The following SNTB1 variants were observed in gnomAD, a reference collection of about 807,000 sequenced individuals.
SNTB1 encodes syntrophin beta 1.
In SNTB1, 36 loss-of-function variants were observed where a neutral mutation model predicts 48.9. The observed-to-expected ratio is 0.74, with a 90% CI of 0.56 to 0.97. The LOEUF is 0.97. SNTB1 is among the 50% of genes least tolerant of loss of function. The pLI is 0.00. For missense variants in SNTB1, 786 were observed against 703.4 expected (o/e 1.12, Z -1.33); for synonymous variants, 299 against 294.6 (o/e 1.01, Z -0.15).
chr8:120,666,007 A>G (rs1277953512), intron 2 of SNTB1, among the ~76,000 whole-genome samples: 1 of 152,030 alleles, frequency 6.6e-6, no homozygotes, highest in Non-Finnish European at 1.5e-5. Context: ...TTTGTCCTCT[A>G]GTATTGTCTT....
At chr8:120,572,125 TG>T (rs1815865395) in intron 4 of SNTB1, among the ~76,000 whole-genome samples, 1 of 152,168 alleles carries the variant, frequency 6.6e-6, no homozygotes, top group Non-Finnish European at 1.5e-5. Context: ...GCTCTGCTAC[TG>T]GGTCTCATTC....
chr8:120,590,768 C>T (rs1187063151), intron 3 of SNTB1, among the ~76,000 whole-genome samples: 1 of 151,176 alleles, frequency 6.6e-6, no homozygotes, highest in African/African-American at 2.4e-5. Flanking sequence ...GCAACCTCCA[C>T]CTCCTGGGTC....
chr8:120,580,259 G>T (rs1009018179), intron 3 of SNTB1, among the ~76,000 whole-genome samples: 1 of 152,032 alleles, frequency 6.6e-6, no homozygotes, highest in Non-Finnish European at 1.5e-5. Flanking sequence ...ACTTGAGCAC[G>T]CATGGCAGGA....
At chr8:120,706,204 G>T (rs1241504591) in intron 1 of SNTB1, among the ~76,000 whole-genome samples, 1 of 152,128 alleles carries the variant, frequency 6.6e-6, no homozygotes, top group Non-Finnish European at 1.5e-5. Context: ...TTGCAAGGAT[G>T]TCTCTTTTCG....
chr8:120,651,971 T>G (rs1250885350), intron 2 of SNTB1, among the ~76,000 whole-genome samples: 1 of 152,182 alleles, frequency 6.6e-6, no homozygotes, highest in Non-Finnish European at 1.5e-5. Context: ...AGAGATGAGT[T>G]CAATTAGGAG....
At chr8:120,726,712 A>G (rs1818761278) in intron 1 of SNTB1, among the ~76,000 whole-genome samples, 1 of 151,696 alleles carries the variant, frequency 6.6e-6, no homozygotes, top group South Asian at 2.1e-4. Context: ...ACAGAAAGCT[A>G]TTAGAGATCT....
chr8:120,664,683 T>C (rs981368253), intron 2 of SNTB1, among the ~76,000 whole-genome samples: 2 of 152,290 alleles, frequency 1.3e-5, no homozygotes, highest in African/African-American at 4.8e-5. Flanking sequence ...GATGGGAAAG[T>C]GGGTTGTTTC....
chr8:120,651,750 G>GA (rs34372993), intron 2 of SNTB1, among the ~76,000 whole-genome samples: 1 of 152,078 alleles, frequency 6.6e-6, no homozygotes, highest in African/African-American at 2.4e-5. Context: ...AAGGAAAACG[G>GA]AAAAAACTCA....
At chr8:120,591,694 C>T (rs1816242497) in intron 3 of SNTB1, among the ~76,000 whole-genome samples, 1 of 152,138 alleles carries the variant, frequency 6.6e-6, no homozygotes, top group South Asian at 2.1e-4. Context: ...ACTAACCTCA[C>T]CCCAACAAAT....
chr8:120,730,390 G>A (rs1818831643), intron 1 of SNTB1, among the ~76,000 whole-genome samples: 1 of 152,126 alleles, frequency 6.6e-6, no homozygotes, highest in African/African-American at 2.4e-5. Context: ...GTTTCGCCAT[G>A]TTGGCCAGGC....
At chr8:120,541,656 T>G (rs1815290812) in intron 6 of SNTB1, among the ~76,000 whole-genome samples, 154 bp downstream of exon 6, 2 of 152,240 alleles carry the variant, frequency 1.3e-5, no homozygotes, top group South Asian at 2.1e-4. Context: ...TTGAAATAAT[T>G]GAACCTAATC....
At chr8:120,800,285 G>T (rs1282127640) in intron 1 of SNTB1, among the ~76,000 whole-genome samples, 1 of 151,936 alleles carries the variant, frequency 6.6e-6, no homozygotes, top group East Asian at 1.9e-4. Flanking sequence ...TTTAATAAAA[G>T]GTTATTAAAA....
intron 1 of SNTB1, among the ~76,000 whole-genome samples, chr8:120,806,965 G>C (rs1289671189): frequency 6.6e-6 from 1 of 152,180 alleles, no homozygotes; most frequent in African/African-American, 2.4e-5. Flanking sequence ...GTGACAGCGA[G>C]GTTCCAGACC....
chr8:120,717,740 T>G (rs889802594), intron 1 of SNTB1, among the ~76,000 whole-genome samples: 10 of 152,164 alleles, frequency 6.6e-5, no homozygotes, highest in African/African-American at 2.4e-4. Flanking sequence ...AGATGTTCTA[T>G]TGTGTTGCTC....
Position 120,811,847 on chromosome 8 carries a change from T to C in SNTB1, c.-4A>G, listed in dbSNP as rs1237671367. Reference sequence around the variant, plus strand: ...CCGCCGCCGCCGCTACCGCCATCTTTCCGGCATTCTTAAAATGCCATGTGA... The same window carrying C: ...CCGCCGCCGCCGCTACCGCCATCTTCCCGGCATTCTTAAAATGCCATGTGA... On this transcript the variant is annotated 5_prime_UTR_variant, in exon 1 of 7. Coordinates refer to ENST00000517992, the MANE Select transcript of SNTB1 (RefSeq NM_021021.4). 1.2e-5 allele frequency: 16 copies of C among 1,339,818 alleles called. No individual in the cohort carries two copies. Among genetic ancestry groups the C allele is most frequent in the Non-Finnish European group, 1.5e-5 (16 of 1,049,610 alleles). 83.0% of individuals were successfully genotyped at this position (1,339,818 alleles called of 1,614,324 possible).
At chr8:120,804,464 C>A (rs1370885133) in intron 1 of SNTB1, among the ~76,000 whole-genome samples, 1 of 152,156 alleles carries the variant, frequency 6.6e-6, no homozygotes, top group Non-Finnish European at 1.5e-5. Flanking sequence ...ACCGCTTTAA[C>A]TTCCTTTTGT....
intron 2 of SNTB1, among the ~76,000 whole-genome samples, chr8:120,663,422 T>C (rs1739976369): frequency 1.3e-5 from 2 of 152,194 alleles, no homozygotes; most frequent in Non-Finnish European, 2.9e-5. Context: ...TTCTCCTGCC[T>C]CAGCCTCCCG....
rs529602218 is a variant in SNTB1 at position 120,754,491 on chromosome 8, A to AAAG, written c.571+56779_571+56781dup. Among the ~76,000 whole-genome samples, 17 of 152,270 alleles carry AAAG rather than the reference A, an allele frequency of 1.1e-4. No individual in the cohort carries two copies. The South Asian group carries it at 2.7e-3, about 24-fold the overall frequency. On this transcript the variant is annotated intron_variant, in intron 1 of 6. Coordinates refer to ENST00000517992, the MANE Select transcript of SNTB1 (RefSeq NM_021021.4). ...AGAGTGAGACCCTGTATCAAAAAAGAAAGAAGAAGAAGAAAAAGAAATCTA... is the reference window on the plus strand; with the variant it reads ...AGAGTGAGACCCTGTATCAAAAAAGAAAGAAGAAGAAGAAGAAAAAGAAATCTA...
intron 3 of SNTB1, among the ~76,000 whole-genome samples, chr8:120,603,076 AC>A (rs1188980625): frequency 1.4e-5 from 2 of 144,876 alleles, no homozygotes; most frequent in Non-Finnish European, 3.0e-5. Context: ...TTCATCATCC[AC>A]CCCCCTCAAA....
Sources: gnomAD v4.1 joint callset for allele counts (sites outside exome capture counted in the v4.1 genomes callset) on GRCh38, gnomAD v4.1.1 for gene constraint, MANE v1.5 for transcripts, NCBI Gene and HGNC (gene_info 2026-07-23, HGNC 2026-07-21) for gene names.